The following NHS variants were observed in gnomAD, a reference collection of about 807,000 sequenced individuals.
NHS encodes NHS actin remodeling regulator, also known as actin remodeling regulator NHS.
A neutral mutation model predicts 72.5 loss-of-function variants in NHS; 5 were observed. That is an observed-to-expected ratio of 0.07 (90% CI 0.04 to 0.14). NHS has a LOEUF of 0.14. NHS is among the 10% of genes least tolerant of loss of function. NHS has a pLI of 1.00. For synonymous variants in NHS, 464 were observed against 547.7 expected, an observed-to-expected ratio of 0.85 and a Z score of 2.13; for missense variants, 1,072 against 1,355.7, an observed-to-expected ratio of 0.79 and a Z score of 3.29.
At chrX:17,668,727 A>T (rs1257854140) in intron 1 of NHS, among the ~76,000 whole-genome samples, 1 of 111,427 alleles carries the variant, frequency 9.0e-6, no homozygotes, top group East Asian at 2.8e-4. Flanking sequence ...AGAGAGATGA[A>T]CCCAAGTAAC....
At chrX:17,525,638 CTT>C (rs1162709869) in intron 1 of NHS, among the ~76,000 whole-genome samples, 62 of 53,030 alleles carry the variant, frequency 1.2e-3, no homozygotes, top group African/African-American at 4.1e-3. Context: ...TCTTTCTTTT[CTT>C]TTTTTTTTTT....
At position 17,728,690 on chromosome X, in the gene NHS, G is replaced by A; in HGVS notation, c.4264G>A (p.Glu1422Lys). Residue 1422 changes from glutamate to lysine, a missense_variant, in exon 8 of 9, where the codon GAA becomes AAA. Physicochemically the swap from Glu to Lys is moderately conservative, Grantham distance 56. Transcript: ENST00000676302. ...SDDSIISPLS[E>K]DSQAEAEGVF... ...TGACTCCATCATTTCACCACTTAGT[G>A]AAGACTCCCAAGCTGAAGCAGAGGG... 1 of 1,210,344 alleles carries A rather than the reference G, an allele frequency of 8.3e-7. No individual in the cohort carries two copies. The highest frequency in any genetic ancestry group is 1.1e-6 in the Non-Finnish European group (1 of 894,722).
At chrX:17,556,860 A>G (rs1450353925) in intron 1 of NHS, among the ~76,000 whole-genome samples, 3 of 111,004 alleles carry the variant, frequency 2.7e-5, no homozygotes, top group Non-Finnish European at 5.7e-5. Flanking sequence ...TGGCAATTTC[A>G]TATGACTTAA....
chrX:17,596,854 T>A (rs1038211802), intron 1 of NHS, among the ~76,000 whole-genome samples: 1 of 111,540 alleles, frequency 9.0e-6, no homozygotes, highest in African/African-American at 3.3e-5. Flanking sequence ...ATTTTATGAC[T>A]TCCCTGTGCC....
intron 1 of NHS, among the ~76,000 whole-genome samples, chrX:17,636,223 C>T (rs1318118911): frequency 1.8e-5 from 2 of 112,271 alleles, no homozygotes; most frequent in Non-Finnish European, 3.8e-5. Context: ...ACCCAAATCC[C>T]CCAACCTCTC....
intron 1 of NHS, among the ~76,000 whole-genome samples, chrX:17,530,901 G>A (rs2065195219): frequency 9.0e-6 from 1 of 111,412 alleles, no homozygotes; most frequent in Admixed American, 9.5e-5. Context: ...GGCCTCAAGT[G>A]ATTCCCCTGC....
chrX:17,573,430 A>T (rs2065492681), intron 1 of NHS, among the ~76,000 whole-genome samples: 1 of 108,764 alleles, frequency 9.2e-6, no homozygotes, highest in Non-Finnish European at 1.9e-5. Flanking sequence ...CATTAATTTG[A>T]TCTTCAATCA....
intron 1 of NHS, among the ~76,000 whole-genome samples, chrX:17,387,046 G>A (rs749702764): frequency 8.9e-6 from 1 of 112,263 alleles, no homozygotes; most frequent in African/African-American, 3.2e-5. Context: ...TTATTGTTCA[G>A]ACGGATTCAA....
At chrX:17,535,991 C>G (rs1341701405) in intron 1 of NHS, among the ~76,000 whole-genome samples, 1 of 112,223 alleles carries the variant, frequency 8.9e-6, no homozygotes, top group Admixed American at 9.4e-5. Flanking sequence ...TCCCTAAACT[C>G]CTTGGCCAAG....
At position 17,724,406 on chromosome X, in the gene NHS, C is replaced by T; in HGVS notation, c.1216C>T (p.Pro406Ser). ...GAGGAGGAAAACCATCTCGGGTATC[C>T]CCAGAAGAGTTCAACAAGAAATAGG... ...LRRRKTISGI[P>S]RRVQQEIDSD... The change falls in exon 6 of 9, where the codon CCC becomes TCC. Residue 406 changes from proline (P) to serine (S), a missense_variant. Pro to Ser is a moderately conservative substitution (Grantham distance 74, BLOSUM62 -1). Coordinates refer to ENST00000676302, the MANE Select transcript of NHS (RefSeq NM_001291867.2). The T allele has an allele frequency of 2.5e-6, 3 of 1,211,449 alleles. No homozygotes were observed. In the South Asian group the frequency reaches 5.3e-5, roughly 21 times the overall value.
chrX:17,541,777 C>CACACACACACACACAA (rs1274544870), intron 1 of NHS, among the ~76,000 whole-genome samples: 14 of 99,184 alleles, frequency 1.4e-4, no homozygotes, highest in Admixed American at 1.4e-3. Flanking sequence ...AACACACACA[C>CACACACACACACACAA]ACACACACAC....
chrX:17,483,612 C>G (rs1168354940), intron 1 of NHS, among the ~76,000 whole-genome samples: 3 of 111,707 alleles, frequency 2.7e-5, no homozygotes, highest in Non-Finnish European at 5.6e-5. Flanking sequence ...GCCTTACAGT[C>G]CAGCAATGTC....
chrX:17,437,097 C>G (rs1055697098), intron 1 of NHS, among the ~76,000 whole-genome samples: 12 of 111,514 alleles, frequency 1.1e-4, no homozygotes, highest in Admixed American at 8.6e-4. Context: ...ATTCACACAC[C>G]CGGAAAACAT....
chrX:17,400,881 A>G (rs779793433), intron 1 of NHS, among the ~76,000 whole-genome samples: 1 of 111,957 alleles, frequency 8.9e-6, no homozygotes, highest in East Asian at 2.8e-4. Context: ...TAATTGACAA[A>G]GTGATCCTAA....
At chrX:17,662,938 T>C (rs1179757313) in intron 1 of NHS, among the ~76,000 whole-genome samples, 1 of 112,033 alleles carries the variant, frequency 8.9e-6, no homozygotes, top group Non-Finnish European at 1.9e-5. Context: ...TCATTGGGAA[T>C]AGGGACCTGT....
chrX:17,505,008 C>T (rs1162254276), intron 1 of NHS, among the ~76,000 whole-genome samples: 4 of 110,929 alleles, frequency 3.6e-5, no homozygotes, highest in Non-Finnish European at 7.6e-5. Context: ...ATTCAACTAC[C>T]TATGTGTGTG....
chrX:17,441,043 C>T (rs916098678), intron 1 of NHS, among the ~76,000 whole-genome samples: 8 of 112,004 alleles, frequency 7.1e-5, no homozygotes, highest in African/African-American at 2.6e-4. Context: ...CCCTCACCCA[C>T]CACTCCCAGC....
intron 1 of NHS, among the ~76,000 whole-genome samples, chrX:17,509,894 C>T: frequency 8.9e-6 from 1 of 112,642 alleles, no homozygotes; most frequent in Non-Finnish European, 1.9e-5. Flanking sequence ...ACAACAGCAG[C>T]CACAATAGTA....
At chrX:17,500,276 G>A (rs1434158718) in intron 1 of NHS, among the ~76,000 whole-genome samples, 1 of 112,080 alleles carries the variant, frequency 8.9e-6, no homozygotes, top group Non-Finnish European at 1.9e-5. Context: ...TTCACAAGCT[G>A]GGGCTTTAAG....
Sources: gnomAD v4.1 joint callset for allele counts (sites outside exome capture counted in the v4.1 genomes callset) on GRCh38, gnomAD v4.1.1 for gene constraint, MANE v1.5 for transcripts, NCBI Gene and HGNC (gene_info 2026-07-23, HGNC 2026-07-21) for gene names.